CNGB1: variants seen among roughly 807,000 people sequenced by gnomAD.
CNGB1 encodes the protein cyclic nucleotide-gated channel beta-1.
Under a neutral mutation model 151.7 loss-of-function variants are expected in CNGB1, and 126 were observed. The observed-to-expected ratio is 0.83, with a 90% CI of 0.72 to 0.96. The LOEUF is 0.96. Ranked by LOEUF, CNGB1 falls within the 40% of genes least tolerant of loss-of-function variation. CNGB1 has a pLI of 0.00. For synonymous variants in CNGB1, 623 were observed against 635.1 expected, an observed-to-expected ratio of 0.98 and a Z score of 0.29; for missense variants, 1,698 against 1,627.0, an observed-to-expected ratio of 1.04 and a Z score of -0.75.
At chr16:57,964,678 G>T in intron 2 of CNGB1, 134 bp from the exon 3 acceptor site, 1 of 902,516 alleles carries the variant, frequency 1.1e-6, no homozygotes, top group Non-Finnish European at 1.8e-6. Flanking sequence ...GATCATCTCT[G>T]TAAATCCTGT....
chr16:57,970,492 C>T (rs1456403153), intron 1 of CNGB1, among the ~76,000 whole-genome samples: 1 of 152,208 alleles, frequency 6.6e-6, no homozygotes, highest in Admixed American at 6.5e-5. Flanking sequence ...CAGGTCTGCC[C>T]GATTCCAGCT....
Position 57,884,247 on chromosome 16 carries a change from T to G in CNGB1, c.3673A>C (p.Ile1225Leu). Reference sequence around the variant, plus strand: ...GGCTCCGGGCCCGGGCTCATGCAGATCCTCACCGAGTGCTCTTCGGGCTCG... The same window carrying G: ...GGCTCCGGGCCCGGGCTCATGCAGAGCCTCACCGAGTGCTCTTCGGGCTCG... ...PAEPEEHSVRICMSPGPEPGE... is the reference protein window; with the variant it reads ...PAEPEEHSVRLCMSPGPEPGE... Residue 1225 changes from isoleucine (I) to leucine (L), a missense_variant, in exon 33 of 33, where the codon ATC (isoleucine) becomes CTC (leucine). Transcript: ENST00000251102. 6.2e-7 allele frequency: 1 copy of G among 1,613,856 alleles called. No homozygotes were observed. The highest frequency in any genetic ancestry group is 8.5e-7 in the Non-Finnish European group (1 of 1,179,908).
chr16:57,942,291 C>A (rs1961688779), intron 14 of CNGB1, among the ~76,000 whole-genome samples: 1 of 152,066 alleles, frequency 6.6e-6, no homozygotes, highest in Non-Finnish European at 1.5e-5. Context: ...TTAAATTGTT[C>A]CTCTTTGCAG....
chr16:57,932,802 G>C (rs1321436551), intron 16 of CNGB1, among the ~76,000 whole-genome samples: 1 of 152,160 alleles, frequency 6.6e-6, no homozygotes, highest in African/African-American at 2.4e-5. Context: ...GGATGGTCTC[G>C]ATCTCCTGAC....
intron 32 of CNGB1, among the ~76,000 whole-genome samples, chr16:57,887,247 C>T (rs967844616): frequency 7.2e-5 from 11 of 151,970 alleles, no homozygotes; most frequent in African/African-American, 1.5e-4. Flanking sequence ...CTTCTGGGGC[C>T]GGACATTTGC....
At chr16:57,931,467 T>C (rs1961347734) in intron 17 of CNGB1, among the ~76,000 whole-genome samples, 1 of 152,146 alleles carries the variant, frequency 6.6e-6, no homozygotes, top group Non-Finnish European at 1.5e-5. Flanking sequence ...TACTATATTA[T>C]TTATTATATT....
chr16:57,903,479 G>A (rs1960445427), intron 27 of CNGB1, among the ~76,000 whole-genome samples: 1 of 152,088 alleles, frequency 6.6e-6, no homozygotes. Flanking sequence ...GTGACAGAAC[G>A]AGACTCCATG....
chr16:57,915,106 C>A (rs1156898465), intron 23 of CNGB1, 143 bp downstream of exon 23: 2 of 630,702 alleles, frequency 3.2e-6, no homozygotes, highest in Non-Finnish European at 5.7e-6. Context: ...CTAAGACACA[C>A]GTGGAATAAA....
chr16:57,937,579 T>G (rs2149375044), intron 16 of CNGB1, among the ~76,000 whole-genome samples: 1 of 152,266 alleles, frequency 6.6e-6, no homozygotes, highest in Admixed American at 6.5e-5. Flanking sequence ...CAACTTCCCA[T>G]GCTCCCTCCA....
intron 1 of CNGB1, 98 bp from the exon 2 acceptor site, chr16:57,967,392 A>C: frequency 1.5e-6 from 2 of 1,306,018 alleles, no homozygotes; most frequent in Non-Finnish European, 1.1e-6. Flanking sequence ...CTTTTCCTTC[A>C]TCAACTTTAA....
chr16:57,933,463 G>A (rs578262806), intron 16 of CNGB1, among the ~76,000 whole-genome samples: 3 of 152,258 alleles, frequency 2.0e-5, no homozygotes, highest in South Asian at 2.1e-4. Context: ...GAGCCTGGAC[G>A]TGGCCCTACC....
intron 14 of CNGB1, among the ~76,000 whole-genome samples, chr16:57,941,487 C>T (rs554117479): frequency 1.3e-5 from 2 of 152,346 alleles, no homozygotes; most frequent in African/African-American, 4.8e-5. Flanking sequence ...AATCACATTG[C>T]CACAGCGGCT....
chr16:57,913,480 T>G (rs2149363054), intron 23 of CNGB1, among the ~76,000 whole-genome samples: 1 of 152,294 alleles, frequency 6.6e-6, no homozygotes, highest in Non-Finnish European at 1.5e-5. Context: ...CATATGCCTT[T>G]TTTTGTTTTG....
Position 57,940,330 on chromosome 16 carries a change from CG to C in CNGB1, c.1122-10del. On this transcript the variant is annotated splice_polypyrimidine_tract_variant and intron_variant, in intron 14 of 32. Coordinates refer to ENST00000251102, the MANE Select transcript of CNGB1 (RefSeq NM_001297.5). ...AGCTATCCAGCAGCACCCTGTGACC[CG>C]GGGCGGGGTGGGGAGGATAAAAGGA... 1 of 1,570,656 alleles carries C rather than the reference CG, an allele frequency of 6.4e-7. No individual in the cohort carries two copies. Among genetic ancestry groups the C allele is most frequent in the Non-Finnish European group, 8.6e-7 (1 of 1,157,662 alleles).
chr16:57,965,788 T>C (rs2149389478), intron 2 of CNGB1, among the ~76,000 whole-genome samples: 1 of 152,122 alleles, frequency 6.6e-6, no homozygotes, highest in East Asian at 1.9e-4. Flanking sequence ...ACCACAGACA[T>C]ACTAATACAT....
At chr16:57,904,441 A>G (rs535891846) in intron 26 of CNGB1, among the ~76,000 whole-genome samples, 21 of 152,264 alleles carry the variant, frequency 1.4e-4, no homozygotes, top group South Asian at 6.2e-4. Context: ...GCCCTGGCAC[A>G]CCAGAAACAC....
chr16:57,900,734 T>C (rs1162354408), intron 29 of CNGB1, among the ~76,000 whole-genome samples: 1 of 152,188 alleles, frequency 6.6e-6, no homozygotes, highest in African/African-American at 2.4e-5. Flanking sequence ...CAGCTGCCTC[T>C]TGCCATTTGG....
chr16:57,897,623 G>C, intron 30 of CNGB1, 80 bp from the exon 31 acceptor site: 3 of 1,604,082 alleles, frequency 1.9e-6, no homozygotes, highest in Non-Finnish European at 2.6e-6. Context: ...CCCATGTGTG[G>C]AGGACAGTGG....
chr16:57,904,111 G>A, intron 26 of CNGB1, 130 bp from the exon 27 acceptor site: 3 of 761,676 alleles, frequency 3.9e-6, no homozygotes, highest in African/African-American at 1.7e-5. Context: ...TTGGGAGGGG[G>A]GTAGGCAGAT....
Sources: gnomAD v4.1 joint callset for allele counts (sites outside exome capture counted in the v4.1 genomes callset) on GRCh38, gnomAD v4.1.1 for gene constraint, MANE v1.5 for transcripts, NCBI Gene and HGNC (gene_info 2026-07-23, HGNC 2026-07-21) for gene names.